Variants in BRD4 observed in about 807,000 individuals in gnomAD.
BRD4 encodes the protein bromodomain containing 4.
In BRD4, 16 loss-of-function variants were observed where a neutral mutation model predicts 142.1. The ratio of observed to expected loss-of-function variants is 0.11; its 90% CI spans 0.08 to 0.17. The LOEUF is 0.17. Ranked by LOEUF, BRD4 falls within the 10% of genes least tolerant of loss-of-function variation. The pLI, the probability that BRD4 is intolerant of heterozygous loss-of-function variation, is 1.00. For missense variants in BRD4, 1,424 were observed against 1,810.9 expected, an observed-to-expected ratio of 0.79 and a Z score of 3.88; for synonymous variants, 833 against 707.5, an observed-to-expected ratio of 1.18 and a Z score of -2.82.
chr19:15,289,873 G>A (rs1292422894), intron 1 of BRD4, among the ~76,000 whole-genome samples: 1 of 152,196 alleles, frequency 6.6e-6, no homozygotes, highest in Non-Finnish European at 1.5e-5. Flanking sequence ...GCATAGACAG[G>A]AAGGAAAACG....
At chr19:15,323,667 G>C (rs1293869159) in intron 1 of BRD4, among the ~76,000 whole-genome samples, 1 of 152,180 alleles carries the variant, frequency 6.6e-6, no homozygotes, top group African/African-American at 2.4e-5. Context: ...TGAAAATTGT[G>C]TAATACCAAG....
At chr19:15,267,654 C>T (rs1019133514) in intron 3 of BRD4, 103 bp from the exon 4 acceptor site, 66 of 1,360,520 alleles carry the variant, frequency 4.9e-5, no homozygotes, top group Admixed American at 2.1e-4. Flanking sequence ...AAACATGAAG[C>T]GTCGTATTCC....
At chr19:15,244,932 G>A (rs2145518674) in intron 11 of BRD4, 170 bp from the exon 12 acceptor site, 5 of 1,211,794 alleles carry the variant, frequency 4.1e-6, no homozygotes, top group Non-Finnish European at 5.6e-6. Flanking sequence ...GAGAGGGAGA[G>A]ACATGCGAGG....
intron 2 of BRD4, among the ~76,000 whole-genome samples, chr19:15,272,249 C>T (rs2047596345): frequency 6.6e-6 from 1 of 152,094 alleles, no homozygotes; most frequent in African/African-American, 2.4e-5. Context: ...GGAGGGAGGG[C>T]AACACCACCT....
chr19:15,254,353 G>T (rs1406149648), intron 10 of BRD4, 91 bp from the exon 11 acceptor site: 5 of 1,092,690 alleles, frequency 4.6e-6, no homozygotes, highest in Admixed American at 1.9e-5. Context: ...TCTGGAGGAA[G>T]GACCAGTGAG....
intron 7 of BRD4, 24 bp from the exon 8 acceptor site, chr19:15,257,197 G>T (rs777543843): frequency 6.3e-7 from 1 of 1,576,870 alleles, no homozygotes; most frequent in East Asian, 2.3e-5. Context: ...GACATGCTGT[G>T]ACGGCTGCTG....
chr19:15,247,102 T>C (rs565692731), intron 11 of BRD4: 32 of 210,334 alleles, frequency 1.5e-4, no homozygotes, highest in Non-Finnish European at 2.3e-4. Flanking sequence ...TCAACACAAA[T>C]TTCATCTTTA....
chr19:15,258,187 C>T (rs942974782), intron 7 of BRD4, among the ~76,000 whole-genome samples: 7 of 152,220 alleles, frequency 4.6e-5, no homozygotes, highest in African/African-American at 1.4e-4. Flanking sequence ...GAGAGGACCA[C>T]GGCCCTGGAA....
At chr19:15,289,665 C>CAA (rs34191233) in intron 1 of BRD4, among the ~76,000 whole-genome samples, 18 of 115,514 alleles carry the variant, frequency 1.6e-4, no homozygotes, top group South Asian at 2.7e-4. Flanking sequence ...GGTTTTGATC[C>CAA]AAAAAAAAAA....
Position 15,239,080 on chromosome 19 carries a change from C to CGCTCCTTCTCCT in BRD4, c.3749_3760dup (p.Glu1253_Arg1254insGlnGluLysGlu). ...CCACCTCATGCGCTCCTGCCGCAGC[C>CGCTCCTTCTCCT]GCTCCTTCTCCTTCTCAGCGTGCTC... On this transcript the variant is annotated inframe_insertion, in exon 18 of 20. Coordinates refer to ENST00000679869, the MANE Select transcript of BRD4 (RefSeq NM_001379291.1). This position sits in a 1 kb window ranked among gnomAD's most constrained non-coding sequence, Gnocchi z 7.4. 6.2e-7 allele frequency: 1 copy of CGCTCCTTCTCCT among 1,601,212 alleles called. No homozygotes were observed. The highest frequency in any genetic ancestry group is 8.5e-7 in the Non-Finnish European group (1 of 1,177,070).
chr19:15,321,291 A>G (rs1212710668), intron 1 of BRD4, among the ~76,000 whole-genome samples: 4 of 150,522 alleles, frequency 2.7e-5, no homozygotes, highest in Non-Finnish European at 3.0e-5. Context: ...AGAAAGAAGG[A>G]AGGAAGGAAG....
chr19:15,257,045 G>T lies in BRD4; in HGVS notation c.1470C>A (p.Ser490Arg). 1 of 1,600,350 alleles carries T rather than the reference G, an allele frequency of 6.2e-7. No individual in the cohort carries two copies. ...AACTGTCACTGTCCGAGGAGCTATCGCTGCTGCTGTCGCTGGATGAGGGCG... is the reference window on the plus strand; with the variant it reads ...AACTGTCACTGTCCGAGGAGCTATCTCTGCTGCTGTCGCTGGATGAGGGCG... ...VAPPSSSDSS[S>R]DSSSDSDSST... Residue 490 changes from serine (S) to arginine (R), a missense_variant, in exon 8 of 20, where the codon AGC becomes AGA. Ser to Arg is a moderately radical substitution (Grantham distance 110). Coordinates refer to ENST00000679869, the MANE Select transcript of BRD4 (RefSeq NM_001379291.1).
intron 6 of BRD4, 109 bp downstream of exon 6, chr19:15,264,295 C>T: frequency 1.4e-6 from 2 of 1,438,468 alleles, no homozygotes; most frequent in Non-Finnish European, 1.9e-6. Context: ...TCCACGCAGC[C>T]ACCGTTCCAG....
chr19:15,294,847 A>C (rs1301739090), intron 1 of BRD4, among the ~76,000 whole-genome samples: 1 of 152,212 alleles, frequency 6.6e-6, no homozygotes, highest in African/African-American at 2.4e-5. Context: ...GCAGTGAAGT[A>C]GCAGGCAGTC....
At chr19:15,304,409 C>T (rs1235705648) in intron 1 of BRD4, among the ~76,000 whole-genome samples, 1 of 152,210 alleles carries the variant, frequency 6.6e-6, no homozygotes, top group East Asian at 1.9e-4. Flanking sequence ...GAGTAGGAAA[C>T]AGTTAAAACA....
chr19:15,280,933 G>A (rs2047698906), intron 1 of BRD4, among the ~76,000 whole-genome samples: 1 of 152,228 alleles, frequency 6.6e-6, no homozygotes, highest in Admixed American at 6.5e-5. Flanking sequence ...AAACATCTTT[G>A]CTGAAATGCT....
intron 1 of BRD4, among the ~76,000 whole-genome samples, chr19:15,296,531 CCTGAGGCAGAGGCTAGCACATGATGT>C (rs2047824312): frequency 6.6e-6 from 1 of 152,160 alleles, no homozygotes; most frequent in East Asian, 1.9e-4. Flanking sequence ...AGGCCCAAAG[CCTGAGGCAGAGGCTAGCACATGATGT>C]CCGCAGACCA....
Position 15,310,363 on chromosome 19 carries a change from C to A in BRD4, c.-35+21927G>T, listed in dbSNP as rs796159290. ...TGTCCGGCTGATTTTTGGATTCCCC[C>A]CCCCCCCCCCCCCCCCCGAAGGAGT... On this transcript the variant is annotated intron_variant, in intron 1 of 19. Coordinates refer to ENST00000679869, the MANE Select transcript of BRD4 (RefSeq NM_001379291.1). 1.1e-3 allele frequency among the ~76,000 whole-genome samples: 14 copies of A among 12,934 alleles called. 1 individual carries two copies. The highest frequency in any genetic ancestry group is 2.3e-3 in the African/African-American group (14 of 5,994). 8.5% of individuals were successfully genotyped at this position (12,934 alleles called of 152,430 possible).
intron 1 of BRD4, among the ~76,000 whole-genome samples, chr19:15,317,205 G>C (rs1006438496): frequency 6.6e-6 from 1 of 152,174 alleles, no homozygotes; most frequent in Non-Finnish European, 1.5e-5. Context: ...TCTGCAAACC[G>C]GGATGATACT....
Sources: gnomAD v4.1 joint callset for allele counts (sites outside exome capture counted in the v4.1 genomes callset) on GRCh38, gnomAD v4.1.1 for gene constraint, Gnocchi (gnomAD v3.1) non-coding constraint, MANE v1.5 for transcripts, NCBI Gene and HGNC (gene_info 2026-07-23, HGNC 2026-07-21) for gene names.